Variants in DOCK3 observed in about 807,000 individuals in gnomAD.
DOCK3 encodes the protein dedicator of cytokinesis protein 3.
A neutral mutation model predicts 265.6 loss-of-function variants in DOCK3; 60 were observed. The ratio of observed to expected loss-of-function variants is 0.23; its 90% CI spans 0.18 to 0.28. The LOEUF (loss-of-function observed/expected upper bound fraction) is 0.28. DOCK3 is among the 10% of genes least tolerant of loss of function. The pLI, the probability that DOCK3 is intolerant of heterozygous loss-of-function variation, is 1.00. For synonymous variants in DOCK3, 881 were observed against 938.0 expected (o/e 0.94, Z 1.11); for missense variants, 1,981 against 2,594.3 (o/e 0.76, Z 5.14).
intron 24 of DOCK3, among the ~76,000 whole-genome samples, chr3:51,273,213 A>G (rs1202200292): frequency 1.3e-5 from 2 of 152,040 alleles, no homozygotes; most frequent in Non-Finnish European, 2.9e-5. Context: ...GGGAAGGGGA[A>G]CAGCAGACTG....
At chr3:51,088,007 G>T (rs1426922727) in intron 7 of DOCK3, among the ~76,000 whole-genome samples, 1 of 152,126 alleles carries the variant, frequency 6.6e-6, no homozygotes, top group African/African-American at 2.4e-5. Flanking sequence ...CTAAGTGTTT[G>T]TTAACAGATG....
At chr3:50,677,790 T>A (rs902910075) in intron 1 of DOCK3, among the ~76,000 whole-genome samples, 1 of 152,232 alleles carries the variant, frequency 6.6e-6, no homozygotes, top group Non-Finnish European at 1.5e-5. Context: ...GTAATACTTA[T>A]TAAATTTTTT....
At chr3:50,684,184 C>T (rs1480853270) in intron 1 of DOCK3, among the ~76,000 whole-genome samples, 1 of 152,004 alleles carries the variant, frequency 6.6e-6, no homozygotes, top group African/African-American at 2.4e-5. Context: ...AGCATTGCTG[C>T]TTCTACTGCA....
chr3:50,810,988 A>G (rs2043719219), intron 2 of DOCK3, among the ~76,000 whole-genome samples: 1 of 152,220 alleles, frequency 6.6e-6, no homozygotes, highest in Non-Finnish European at 1.5e-5. Context: ...AGTGAACTGG[A>G]TGAAAGGTTT....
At chr3:50,921,401 G>C (rs1004548165) in intron 4 of DOCK3, among the ~76,000 whole-genome samples, 11 of 152,116 alleles carry the variant, frequency 7.2e-5, no homozygotes, top group Non-Finnish European at 1.3e-4. Flanking sequence ...AGCTCCATCA[G>C]GTTATTTAAG....
chr3:51,304,796 TAGTC>T (rs1293098988), intron 27 of DOCK3, among the ~76,000 whole-genome samples: 1 of 152,150 alleles, frequency 6.6e-6, no homozygotes, highest in Non-Finnish European at 1.5e-5. Flanking sequence ...GCCAACCACC[TAGTC>T]AGTCCCAGTG....
rs568436905 is a variant in DOCK3 at position 51,336,258 on chromosome 3, ACT to A, written c.3612-2098_3612-2097del. On this transcript the variant is annotated intron_variant, in intron 35 of 52. Coordinates refer to ENST00000266037, the MANE Select transcript of DOCK3 (RefSeq NM_004947.5). ...TTTAACTTTTGTGTGAATCTCAGAC[ACT>A]CTGTGTCAGACATGAAGATTCTCAC... is the stretch of plus-strand genomic sequence containing the variant. Among the ~76,000 whole-genome samples the A allele has an allele frequency of 2.0e-3, 302 of 151,904 alleles. 3 individuals are homozygous for A. Among genetic ancestry groups the A allele is most frequent in the African/African-American group, 6.7e-3 (276 of 41,420 alleles).
Position 51,017,354 on chromosome 3 carries a change from A to T in DOCK3, c.316-47094A>T, listed in dbSNP as rs1031912359. Among the ~76,000 whole-genome samples, 9 of 150,784 alleles carry T rather than the reference A, an allele frequency of 6.0e-5. 1 individual carries two copies. Among genetic ancestry groups the T allele is most frequent in the Non-Finnish European group, 7.4e-5 (5 of 67,708 alleles). On this transcript the variant is annotated intron_variant, in intron 5 of 52. Coordinates refer to ENST00000266037, the MANE Select transcript of DOCK3 (RefSeq NM_004947.5). ...TTCATTGATCATTTGTATTTTTTTTAAATTTCTTTCTACTGTGATCTTTAT... is the reference window on the plus strand; with the variant it reads ...TTCATTGATCATTTGTATTTTTTTTTAATTTCTTTCTACTGTGATCTTTAT...
At position 51,233,661 on chromosome 3, in the gene DOCK3, G is replaced by A. The variant is rs558398568; in HGVS notation, c.1918-2684G>A. Among the ~76,000 whole-genome samples, 48 of 152,188 alleles carry A rather than the reference G, an allele frequency of 3.2e-4. No individual in the cohort carries two copies. In the East Asian group the frequency reaches 7.6e-3, roughly 24 times the overall value. ...TGGGATTTCAGGCCTGAGCCACCAC[G>A]CCCATCCTCTTTCAGCAGTACTCTG... is the stretch of plus-strand genomic sequence containing the variant. On this transcript the variant is annotated intron_variant, in intron 19 of 52. Coordinates refer to ENST00000266037, the MANE Select transcript of DOCK3 (RefSeq NM_004947.5).
intron 3 of DOCK3, among the ~76,000 whole-genome samples, chr3:50,848,787 T>C (rs985415352): frequency 1.3e-5 from 2 of 152,220 alleles, no homozygotes; most frequent in Admixed American, 6.5e-5. Flanking sequence ...TCATTTTGTA[T>C]AGCACCTCAC....
intron 23 of DOCK3, among the ~76,000 whole-genome samples, chr3:51,267,573 A>G (rs2080264532): frequency 6.6e-6 from 1 of 152,084 alleles, no homozygotes; most frequent in South Asian, 2.1e-4. Flanking sequence ...TTTATTAGAA[A>G]TGGGGTTTCA....
chr3:51,225,383 T>C (rs2090286039), intron 14 of DOCK3, among the ~76,000 whole-genome samples: 1 of 152,170 alleles, frequency 6.6e-6, no homozygotes, highest in African/African-American at 2.4e-5. Context: ...GACTGAGCAG[T>C]CTGAGCATCT....
intron 27 of DOCK3, among the ~76,000 whole-genome samples, chr3:51,306,808 T>C (rs762114016): frequency 6.6e-6 from 1 of 152,232 alleles, no homozygotes; most frequent in Non-Finnish European, 1.5e-5. Context: ...GTCATTGTTC[T>C]TACACTTTCC....
chr3:51,139,816 C>T (rs2084966478), intron 9 of DOCK3, among the ~76,000 whole-genome samples: 1 of 152,206 alleles, frequency 6.6e-6, no homozygotes, highest in Admixed American at 6.5e-5. Flanking sequence ...GGCAGTGAGC[C>T]AGCCACTTGG....
chr3:51,313,059 C>T (rs1039179607), intron 31 of DOCK3, among the ~76,000 whole-genome samples, 157 bp downstream of exon 31: 5 of 152,210 alleles, frequency 3.3e-5, no homozygotes, highest in Non-Finnish European at 7.3e-5. Context: ...TGGTGTAGCA[C>T]ATGTGCATAA....
At chr3:51,048,872 AAAC>A (rs1360245208) in intron 5 of DOCK3, among the ~76,000 whole-genome samples, 1 of 151,608 alleles carries the variant, frequency 6.6e-6, no homozygotes, top group Non-Finnish European at 1.5e-5. Context: ...CAAAAAAAAA[AAAC>A]AACTATGACA....
intron 7 of DOCK3, among the ~76,000 whole-genome samples, chr3:51,085,585 CAAATTAAAAAGG>C (rs1418650151): frequency 2.0e-5 from 3 of 151,766 alleles, no homozygotes; most frequent in African/African-American, 7.3e-5. Context: ...AGTGAATGAA[CAAATTAAAAAGG>C]AAATTAAAAA....
chr3:50,863,265 T>C (rs2046995841), intron 3 of DOCK3, among the ~76,000 whole-genome samples: 2 of 152,122 alleles, frequency 1.3e-5, no homozygotes, highest in African/African-American at 4.8e-5. Flanking sequence ...TTGGGCATGG[T>C]AGTGGCTTAT....
intron 3 of DOCK3, among the ~76,000 whole-genome samples, chr3:50,876,077 A>G (rs1169529154): frequency 6.6e-6 from 1 of 152,124 alleles, no homozygotes; most frequent in Non-Finnish European, 1.5e-5. Flanking sequence ...TGCTATACCA[A>G]GTATTTCCAG....
Sources: allele counts gnomAD v4.1 joint callset (sites outside exome capture counted in the v4.1 genomes callset), GRCh38; gene constraint gnomAD v4.1.1; transcripts MANE v1.5; gene names NCBI Gene and HGNC (gene_info 2026-07-23, HGNC 2026-07-21).